Variants in FGF1 observed in about 807,000 individuals in gnomAD.
FGF1 encodes the protein fibroblast growth factor 1.
A neutral mutation model predicts 13.4 loss-of-function variants in FGF1; 9 were observed. The ratio of observed to expected loss-of-function variants is 0.67; its 90% confidence interval spans 0.40 to 1.17. The LOEUF is 1.17. Ranked by LOEUF, FGF1 falls within the 50% of genes most tolerant of loss-of-function variation. FGF1 has a pLI of 0.01. For missense variants in FGF1, 156 were observed against 192.7 expected (o/e 0.81, Z 1.13); for synonymous variants, 93 against 79.0 (o/e 1.18, Z -0.94).
intron 1 of FGF1, among the ~76,000 whole-genome samples, chr5:142,649,621 A>G (rs1373870767): frequency 2.6e-5 from 4 of 151,946 alleles, no homozygotes; most frequent in African/African-American, 9.7e-5. Flanking sequence ...GTTAGCCAGG[A>G]TGGTCTCAAT....
intron 1 of FGF1, among the ~76,000 whole-genome samples, chr5:142,618,716 A>T (rs1226510188): frequency 6.6e-6 from 1 of 152,114 alleles, no homozygotes; most frequent in Non-Finnish European, 1.5e-5. Context: ...TGTAAGAAAA[A>T]ATCCTGGTCT....
At chr5:142,662,548 C>T (rs985439040) in intron 1 of FGF1, among the ~76,000 whole-genome samples, 4 of 152,156 alleles carry the variant, frequency 2.6e-5, no homozygotes, top group African/African-American at 4.8e-5. Context: ...GACACACAGT[C>T]GGGTCTCAAT....
chr5:142,696,635 C>T (rs139918845), intron 2 of FGF1, among the ~76,000 whole-genome samples: 1 of 152,258 alleles, frequency 6.6e-6, no homozygotes, highest in East Asian at 1.9e-4. Context: ...GAGGCAAAGC[C>T]AAGATATGGA....
rs577970430 is a variant in FGF1, at chr5:142,662,125, G to A, written c.-35+23832C>T. ...AGAACGTAGATTAGTGGTGTGCCCG[G>A]GGCTGAGGGAGGGGGAAGCGGGGAA... On this transcript the variant is annotated intron_variant, in intron 1 of 3. Transcript: ENST00000337706. Among the ~76,000 whole-genome samples, 5 of 152,304 alleles carry A rather than the reference G, an allele frequency of 3.3e-5. No homozygotes were observed. In the South Asian group the frequency reaches 1.0e-3, roughly 32 times the overall value.
intron 1 of FGF1, among the ~76,000 whole-genome samples, chr5:142,623,515 T>C (rs1761989434): frequency 6.6e-6 from 1 of 151,840 alleles, no homozygotes; most frequent in Non-Finnish European, 1.5e-5. Flanking sequence ...CCAACTAATT[T>C]TTGCATTCTT....
intron 1 of FGF1, among the ~76,000 whole-genome samples, chr5:142,684,948 T>G (rs1243193309): frequency 7.8e-5 from 9 of 114,678 alleles, no homozygotes; most frequent in South Asian, 6.1e-4. Flanking sequence ...CAAGCGGGGG[T>G]GGTGGGGTGG....
intron 2 of FGF1, among the ~76,000 whole-genome samples, chr5:142,695,435 A>C (rs1295930206): frequency 6.6e-6 from 1 of 152,066 alleles, no homozygotes; most frequent in East Asian, 1.9e-4. Context: ...TACAAAAATT[A>C]GCTGGGTGTG....
chr5:142,643,472 TA>T (rs1260905319), intron 1 of FGF1, among the ~76,000 whole-genome samples: 1 of 152,246 alleles, frequency 6.6e-6, no homozygotes, highest in Admixed American at 6.5e-5. Context: ...AAATCAATTT[TA>T]AAATGCTATA....
At chr5:142,606,237 T>TGTGC (rs1757643567) in intron 2 of FGF1, among the ~76,000 whole-genome samples, 1 of 147,632 alleles carries the variant, frequency 6.8e-6, no homozygotes, top group Admixed American at 6.8e-5. Context: ...TGTGTGTGTG[T>TGTGC]GTGTGTGTAT....
At chr5:142,665,037 C>A (rs1284264179) in intron 1 of FGF1, among the ~76,000 whole-genome samples, 1 of 152,062 alleles carries the variant, frequency 6.6e-6, no homozygotes, top group African/African-American at 2.4e-5. Flanking sequence ...AGTAACATTG[C>A]CTTATGTAAC....
intron 2 of FGF1, among the ~76,000 whole-genome samples, chr5:142,602,627 AT>A (rs1756825429): frequency 6.6e-6 from 1 of 152,176 alleles, no homozygotes; most frequent in Admixed American, 6.5e-5. Context: ...TTGTGTGTGT[AT>A]CCTTTCTAGA....
intron 2 of FGF1, among the ~76,000 whole-genome samples, chr5:142,692,685 GCACA>G (rs34754711): frequency 3.4e-5 from 5 of 145,146 alleles, no homozygotes; most frequent in African/African-American, 5.2e-5. Flanking sequence ...ACGCACACAC[GCACA>G]CACACACACA....
At chr5:142,631,070 AG>A (rs1763300601) in intron 1 of FGF1, among the ~76,000 whole-genome samples, 4 of 152,166 alleles carry the variant, frequency 2.6e-5, no homozygotes, top group Admixed American at 1.3e-4. Flanking sequence ...TGAGGGAGGG[AG>A]GGAACAAATG....
chr5:142,598,867 A>G (rs17217450), intron 3 of FGF1, among the ~76,000 whole-genome samples: 1,731 of 152,308 alleles, frequency 0.011, 37 homozygotes, highest in African/African-American at 0.039. Context: ...TTCTCCCTCA[A>G]TATTTTTATA....
intron 1 of FGF1, among the ~76,000 whole-genome samples, chr5:142,647,604 A>G (rs1045064824): frequency 2.6e-5 from 4 of 152,216 alleles, no homozygotes; most frequent in Non-Finnish European, 4.4e-5. Context: ...ACCCAAATCT[A>G]AATACTAAAT....
intron 1 of FGF1, among the ~76,000 whole-genome samples, chr5:142,616,139 T>C (rs1002255316): frequency 2.0e-5 from 3 of 152,250 alleles, no homozygotes; most frequent in African/African-American, 4.8e-5. Context: ...GCTGCTCTCA[T>C]AGGAGATGGT....
At chr5:142,648,954 C>T (rs1218192079) in intron 1 of FGF1, among the ~76,000 whole-genome samples, 1 of 152,136 alleles carries the variant, frequency 6.6e-6, no homozygotes, top group Non-Finnish European at 1.5e-5. Context: ...TCCAGGAAAA[C>T]AATAGCAGGA....
chr5:142,619,643 G>C (rs1015203478), intron 1 of FGF1, among the ~76,000 whole-genome samples: 8 of 152,176 alleles, frequency 5.3e-5, no homozygotes, highest in African/African-American at 1.9e-4. Flanking sequence ...TGACCAGCCT[G>C]ACGAACATGG....
At chr5:142,687,502 T>C (rs1191836143), upstream of FGF1, among the ~76,000 whole-genome samples, 4 of 152,168 alleles carry the variant, frequency 2.6e-5, no homozygotes, top group East Asian at 7.7e-4. Flanking sequence ...ATTGGAACCC[T>C]CATGAACTAC....
Sources: allele counts gnomAD v4.1 joint callset (sites outside exome capture counted in the v4.1 genomes callset), GRCh38; gene constraint gnomAD v4.1.1; transcripts MANE v1.5; gene names NCBI Gene and HGNC (gene_info 2026-07-23, HGNC 2026-07-21).